BCHE: variants seen among roughly 807,000 people sequenced by gnomAD.
BCHE encodes cholinesterase.
Under a neutral mutation model 51.3 loss-of-function variants are expected in BCHE, and 48 were observed. The ratio of observed to expected loss-of-function variants is 0.94; its 90% CI spans 0.74 to 1.19. The LOEUF is 1.19. BCHE is among the 50% of genes most tolerant of loss of function. BCHE has a pLI of 0.00. For synonymous variants in BCHE, 251 were observed against 238.0 expected, an observed-to-expected ratio of 1.05 and a Z score of -0.50; for missense variants, 847 against 708.2, an observed-to-expected ratio of 1.20 and a Z score of -2.23.
chr3:165,831,450 T>C (rs1714985824), intron 1 of BCHE, among the ~76,000 whole-genome samples: 1 of 152,162 alleles, frequency 6.6e-6, no homozygotes, highest in African/African-American at 2.4e-5. Flanking sequence ...TACAAGTTCA[T>C]ATATTCTCTG....
In BCHE at chr3:165,817,526, C is replaced by A. The variant is rs368321629; in HGVS notation, c.1517+11991G>T. On this transcript the variant is annotated intron_variant, in intron 2 of 3. Coordinates refer to ENST00000264381, the MANE Select transcript of BCHE (RefSeq NM_000055.4). ...TTCCCCTTCACATACCTATTCCAGC[C>A]GCACTATCTTTCTTGCTGTTCCTGC... Among the ~76,000 whole-genome samples the A allele has an allele frequency of 3.4e-4, 52 of 152,086 alleles. No individual in the cohort carries two copies. In the East Asian group the frequency reaches 5.4e-3, roughly 16 times the overall value.
intron 2 of BCHE, among the ~76,000 whole-genome samples, chr3:165,787,471 T>TA: frequency 6.6e-6 from 1 of 151,510 alleles, no homozygotes; most frequent in African/African-American, 2.4e-5. Flanking sequence ...AAACCGAGTC[T>TA]AAAAAAAGGG....
Position 165,773,325 on chromosome 3 carries a change from T to C in BCHE, c.*57A>G. Reference sequence around the variant, plus strand: ...TTTAGTAGGTGTGTAAAAAAGCTCCTGATATTTTTGCCTTGATCTAAAGGA... The same window carrying C: ...TTTAGTAGGTGTGTAAAAAAGCTCCCGATATTTTTGCCTTGATCTAAAGGA... On this transcript the variant is annotated 3_prime_UTR_variant, in exon 4 of 4. Coordinates refer to ENST00000264381, the MANE Select transcript of BCHE (RefSeq NM_000055.4). 6.5e-7 allele frequency: 1 copy of C among 1,532,000 alleles called. No individual in the cohort carries two copies. The highest frequency in any genetic ancestry group is 8.9e-7 in the Non-Finnish European group (1 of 1,117,744). 94.9% of individuals were successfully genotyped at this position (1,532,000 alleles called of 1,614,324 possible).
intron 1 of BCHE, among the ~76,000 whole-genome samples, chr3:165,832,429 A>C (rs189132952): frequency 9.9e-5 from 15 of 152,040 alleles, no homozygotes; most frequent in Middle Eastern, 3.4e-3. Flanking sequence ...AGTAGCTGGG[A>C]TTACAGGTGT....
intron 3 of BCHE, chr3:165,778,530 G>C: frequency 3.6e-6 from 1 of 280,984 alleles, no homozygotes; most frequent in Non-Finnish European, 7.9e-6. Flanking sequence ...TGATGCACAA[G>C]ACACTTCATC....
At chr3:165,787,477 A>T (rs1712999033) in intron 2 of BCHE, among the ~76,000 whole-genome samples, 1 of 151,890 alleles carries the variant, frequency 6.6e-6, no homozygotes, top group African/African-American at 2.4e-5. Context: ...AGTCTAAAAA[A>T]AGGGCCACAA....
At chr3:165,787,918 T>C (rs1713017001) in intron 2 of BCHE, among the ~76,000 whole-genome samples, 1 of 152,026 alleles carries the variant, frequency 6.6e-6, no homozygotes, top group South Asian at 2.1e-4. Context: ...CAGCCTTTTC[T>C]AACATAAACA....
At chr3:165,828,467 A>G (rs1469275666) in intron 2 of BCHE, among the ~76,000 whole-genome samples, 1 of 152,184 alleles carries the variant, frequency 6.6e-6, no homozygotes, top group Non-Finnish European at 1.5e-5. Flanking sequence ...TATTGTAGAA[A>G]CATACATACA....
chr3:165,809,173 A>T (rs1410507169), intron 2 of BCHE, among the ~76,000 whole-genome samples: 4 of 152,154 alleles, frequency 2.6e-5, no homozygotes, highest in Non-Finnish European at 5.9e-5. Flanking sequence ...GAAGAAAAAA[A>T]CCGTTATGGA....
At chr3:165,826,144 T>C (rs1305280788) in intron 2 of BCHE, among the ~76,000 whole-genome samples, 1 of 152,082 alleles carries the variant, frequency 6.6e-6, no homozygotes, top group Non-Finnish European at 1.5e-5. Flanking sequence ...TTCCTCTCAC[T>C]TTTTACTCAA....
Position 165,829,931 on chromosome 3 carries a change from TC to T in BCHE, c.1102del (p.Asp368IlefsTer6), listed in dbSNP as rs761080105. Reference sequence around the variant, plus strand: ...TTTTCTAGTTATGATACTATTGTTATCTTTGCTGAAGCCAGGAGCACCATAG... The same window carrying T: ...TTTTCTAGTTATGATACTATTGTTATTTTGCTGAAGCCAGGAGCACCATAG... ...LVYGAPGFSK[D>X]NNSIITRKEF... On this transcript the variant is annotated frameshift_variant, in exon 2 of 4. Transcript: ENST00000264381. LOFTEE classifies it high-confidence loss of function. The T allele has an allele frequency of 1.2e-6, 2 of 1,613,578 alleles. No individual in the cohort carries two copies. Among genetic ancestry groups the T allele is most frequent in the South Asian group, 2.2e-5 (2 of 91,044 alleles).
chr3:165,830,881 GC>G lies in BCHE; in HGVS notation c.152del (p.Gly51AlafsTer3), dbSNP rs767311284. The G allele has an allele frequency of 2.5e-6, 4 of 1,613,900 alleles. No homozygotes were observed. The highest frequency in any genetic ancestry group is 3.4e-6 in the Non-Finnish European group (4 of 1,179,906). On this transcript the variant is annotated frameshift_variant, in exon 2 of 4. Transcript: ENST00000264381. LOFTEE classifies it high-confidence loss of function. ...GAATTCCAAGAAAGGCTGTTACCGTGCCACCAAAAACTGTCAAGTTCATCCC... is the reference window on the plus strand; with the variant it reads ...GAATTCCAAGAAAGGCTGTTACCGTGCACCAAAAACTGTCAAGTTCATCCC... ...VRGMNLTVFG[G>X]TVTAFLGIPY...
At chr3:165,807,542 A>C (rs961759269) in intron 2 of BCHE, among the ~76,000 whole-genome samples, 10 of 150,708 alleles carry the variant, frequency 6.6e-5, no homozygotes, top group Admixed American at 6.0e-4. Flanking sequence ...TTATTTATTT[A>C]TTTATTTTTA....
chr3:165,835,022 A>G (rs1169600802), intron 1 of BCHE, among the ~76,000 whole-genome samples: 2 of 151,856 alleles, frequency 1.3e-5, no homozygotes, highest in Non-Finnish European at 2.9e-5. Context: ...GGAAATAAAG[A>G]CAGGAGTTTT....
intron 2 of BCHE, among the ~76,000 whole-genome samples, chr3:165,820,596 T>C (rs930278057): frequency 6.6e-6 from 1 of 152,064 alleles, no homozygotes; most frequent in Non-Finnish European, 1.5e-5. Context: ...GGGTTAATTA[T>C]GATAATATAC....
intron 2 of BCHE, among the ~76,000 whole-genome samples, chr3:165,828,853 A>T (rs1714834863): frequency 6.6e-6 from 1 of 152,086 alleles, no homozygotes; most frequent in African/African-American, 2.4e-5. Context: ...TATGGGGGAA[A>T]TATGTTTTTT....
Position 165,829,499 on chromosome 3 carries a change from A to G in BCHE, c.1517+18T>C. On this transcript the variant is annotated intron_variant, in intron 2 of 3. Transcript: ENST00000264381. ...GATCAAACCAAGCCAGAGAACAATG[A>G]CAAAAATCAGCACTTACCCATATTT... The G allele has an allele frequency of 2.5e-6, 4 of 1,600,488 alleles. No individual in the cohort carries two copies. Among genetic ancestry groups the G allele is most frequent in the Non-Finnish European group, 3.4e-6 (4 of 1,167,794 alleles).
chr3:165,817,121 G>A (rs1032538665), intron 2 of BCHE, among the ~76,000 whole-genome samples: 1 of 151,926 alleles, frequency 6.6e-6, no homozygotes, highest in Non-Finnish European at 1.5e-5. Flanking sequence ...CTCTTCTGGT[G>A]GCTCAAATAA....
At chr3:165,780,247 A>G (rs1193615739) in intron 3 of BCHE, among the ~76,000 whole-genome samples, 4 of 152,216 alleles carry the variant, frequency 2.6e-5, no homozygotes, top group Non-Finnish European at 4.4e-5. Context: ...TACACTTTAT[A>G]CAAAGATTAA....
Sources: allele counts gnomAD v4.1 joint callset (sites outside exome capture counted in the v4.1 genomes callset), GRCh38; gene constraint gnomAD v4.1.1; transcripts MANE v1.5; gene names NCBI Gene and HGNC (gene_info 2026-07-23, HGNC 2026-07-21).